The following TGM7 variants were observed in gnomAD, a reference collection of about 807,000 sequenced individuals.
TGM7 encodes the protein transglutaminase 7.
TGM7 carries 74 observed loss-of-function variants against 79.5 expected under a neutral mutation model. That is an observed-to-expected ratio of 0.93 (90% CI 0.77 to 1.13). TGM7 has a LOEUF of 1.13. TGM7 is among the 50% of genes most tolerant of loss of function. The pLI, the probability that TGM7 is intolerant of heterozygous loss-of-function variation, is 0.00. For missense variants in TGM7, 912 were observed against 905.9 expected, an observed-to-expected ratio of 1.01 and a Z score of -0.09; for synonymous variants, 354 against 362.5, an observed-to-expected ratio of 0.98 and a Z score of 0.27.
At chr15:43,294,147 T>C (rs1230723485) in intron 1 of TGM7, among the ~76,000 whole-genome samples, 4 of 152,190 alleles carry the variant, frequency 2.6e-5, no homozygotes, top group Admixed American at 1.3e-4. Context: ...TACTAGGATT[T>C]TGTATGAATT....
chr15:43,292,630 T>C, intron 3 of TGM7, 79 bp downstream of exon 3: 1 of 1,559,842 alleles, frequency 6.4e-7, no homozygotes, highest in Non-Finnish European at 8.7e-7. Context: ...GCGATTTATT[T>C]TCTGGGCTTT....
intron 4 of TGM7, among the ~76,000 whole-genome samples, chr15:43,291,432 A>G (rs541794258): frequency 3.3e-5 from 5 of 152,396 alleles, no homozygotes; most frequent in African/African-American, 1.2e-4. Flanking sequence ...GCAGCATGCA[A>G]GCAGCCACAG....
At chr15:43,279,420 G>A (rs1297417053) in intron 10 of TGM7, 143 bp from the exon 11 acceptor site, 14 of 1,135,662 alleles carry the variant, frequency 1.2e-5, no homozygotes, top group South Asian at 1.2e-4. Flanking sequence ...GTCCCACCAC[G>A]CACACACTGT....
At chr15:43,281,193 A>C (rs184319627) in intron 9 of TGM7, among the ~76,000 whole-genome samples, 1 of 152,306 alleles carries the variant, frequency 6.6e-6, no homozygotes, top group Non-Finnish European at 1.5e-5. Flanking sequence ...CTGTTATCCC[A>C]TTTTACAGAT....
In TGM7 at chr15:43,291,999, A is replaced by G; in HGVS notation, c.538T>C (p.Trp180Arg). Reference protein sequence around the residue: ...YKGHERFITSWPWNYGQFEED... With the variant: ...YKGHERFITSRPWNYGQFEED... Reference sequence around the variant, plus strand: ...GTTACCTGCCCGTAGTTCCAGGGCCAGGAGGTGATGAATCTTTCATGACCC... The same window carrying G: ...GTTACCTGCCCGTAGTTCCAGGGCCGGGAGGTGATGAATCTTTCATGACCC... Residue 180 changes from tryptophan (W) to arginine (R), a missense_variant, in exon 4 of 13, where the codon TGG (tryptophan) becomes CGG (arginine). By Grantham distance (101) the Trp-to-Arg change is moderately radical. Coordinates refer to ENST00000452443, the MANE Select transcript of TGM7 (RefSeq NM_052955.3). 1 of 1,613,926 alleles carries G rather than the reference A, an allele frequency of 6.2e-7. No homozygotes were observed. Among genetic ancestry groups the G allele is most frequent in the South Asian group, 1.1e-5 (1 of 91,084 alleles).
Position 43,276,967 on chromosome 15 carries a change from G to C in TGM7, c.1868C>G (p.Ala623Gly). The change falls in exon 12 of 13, where the codon GCG becomes GGG. Residue 623 changes from alanine (A) to glycine (G), a missense_variant. By Grantham distance (60) the Ala-to-Gly change is moderately conservative. Transcript: ENST00000452443. ...GGTGAGGGTGACATGGACTCTCAGC[G>C]CCTTGCCCACCTCAGCCCTCTCAGA... ...EVSERAEVGK[A>G]LRVHVTLTNT... The C allele has an allele frequency of 6.2e-7, 1 of 1,614,056 alleles. No homozygotes were observed. The highest frequency in any genetic ancestry group is 8.5e-7 in the Non-Finnish European group (1 of 1,180,004).
At chr15:43,293,028 G>A (rs920037779) in intron 2 of TGM7, 74 bp from the exon 3 acceptor site, 5 of 1,558,680 alleles carry the variant, frequency 3.2e-6, no homozygotes, top group Non-Finnish European at 4.3e-6. Flanking sequence ...GGAGTCGGAA[G>A]GACCGTCACC....
intron 6 of TGM7, among the ~76,000 whole-genome samples, chr15:43,286,545 A>G (rs1461050373): frequency 6.6e-6 from 1 of 152,062 alleles, no homozygotes; most frequent in African/African-American, 2.4e-5. Context: ...CCCCTCTCCA[A>G]AAAGTCTCTG....
At position 43,287,368 on chromosome 15, in the gene TGM7, A is replaced by G. The variant is rs513970; in HGVS notation, c.777T>C (p.Ser259=). The change falls in exon 6 of 13, where the codon AGT becomes AGC. Residue 259 remains serine (S), a synonymous_variant. Transcript: ENST00000452443. ...CTGACCACTGCTGTAGGATGGCCAC[A>G]CTGCCCTTCCACTCCAGAGGACTGA... ...KGVSPLEWKG[S]VAILQQWSAR... 0.36 allele frequency: 582,867 copies of G among 1,613,712 alleles called. 117,944 individuals carry two copies. The highest frequency in any genetic ancestry group is 0.88 in the African/African-American group (65,726 of 74,992).
chr15:43,290,455 T>C (rs1192233489), intron 4 of TGM7, among the ~76,000 whole-genome samples: 1 of 152,208 alleles, frequency 6.6e-6, no homozygotes, highest in Non-Finnish European at 1.5e-5. Flanking sequence ...CCATGCTGTT[T>C]TGGTTACTGT....
intron 1 of TGM7, chr15:43,301,987 G>A (rs779517080): frequency 3.6e-6 from 2 of 555,582 alleles, no homozygotes; most frequent in Non-Finnish European, 6.5e-6. Context: ...ACTTCCCAAG[G>A]CCATTTCAGC....
chr15:43,296,057 T>C (rs1257066818), intron 1 of TGM7, among the ~76,000 whole-genome samples: 2 of 152,176 alleles, frequency 1.3e-5, no homozygotes, highest in African/African-American at 2.4e-5. Flanking sequence ...AAACATACAA[T>C]GCATCACACA....
chr15:43,297,226 C>A (rs576944815), intron 1 of TGM7, among the ~76,000 whole-genome samples: 4 of 152,048 alleles, frequency 2.6e-5, no homozygotes, highest in Admixed American at 1.3e-4. Flanking sequence ...GAGGCCGAGG[C>A]GGGTGGATCA....
intron 6 of TGM7, among the ~76,000 whole-genome samples, chr15:43,285,641 A>T (rs901272226): frequency 6.6e-6 from 1 of 152,090 alleles, no homozygotes. Flanking sequence ...AAATTCGAGG[A>T]TGGATAGAGG....
intron 4 of TGM7, among the ~76,000 whole-genome samples, chr15:43,288,339 C>A (rs1198979448): frequency 6.6e-6 from 1 of 152,156 alleles, no homozygotes. Flanking sequence ...AGGCTTCCCC[C>A]ACCTCTTCCC....
rs1363488244 is a variant in TGM7, at chr15:43,276,970, T to C, written c.1865A>G (p.Lys622Arg). ...GAGGGTGACATGGACTCTCAGCGCC[T>C]TGCCCACCTCAGCCCTCTCAGACAC... is the stretch of plus-strand genomic sequence containing the variant. ...IEVSERAEVG[K>R]ALRVHVTLTN... Residue 622 changes from lysine to arginine, a missense_variant, in exon 12 of 13, where the codon AAG (lysine) becomes AGG (arginine). Physicochemically the swap from Lys to Arg is conservative, Grantham distance 26. Transcript: ENST00000452443. 2.5e-6 allele frequency: 4 copies of C among 1,614,068 alleles called. 1 individual carries two copies. The South Asian group carries it at 4.4e-5, about 18-fold the overall frequency.
In TGM7 at chr15:43,280,556, G is replaced by A. The variant is rs192208527; in HGVS notation, c.1352-605C>T. On this transcript the variant is annotated intron_variant, in intron 9 of 12. Transcript: ENST00000452443. The stretch of plus-strand genomic sequence containing the variant: ...GAGAATAGCTTGAACCCAGGAGGTG[G>A]AGGTTGCAGTGAGCCGAGATTGCGC... 1.1e-4 allele frequency among the ~76,000 whole-genome samples: 16 copies of A among 152,256 alleles called. No individual in the cohort carries two copies. The East Asian group carries it at 3.1e-3, about 29-fold the overall frequency.
At chr15:43,290,066 T>C (rs2042956220) in intron 4 of TGM7, among the ~76,000 whole-genome samples, 1 of 152,222 alleles carries the variant, frequency 6.6e-6, no homozygotes, top group African/African-American at 2.4e-5. Flanking sequence ...CTCTTTAGTT[T>C]AATTAGATCC....
chr15:43,298,288 T>C (rs901806834), intron 1 of TGM7, among the ~76,000 whole-genome samples: 13 of 151,754 alleles, frequency 8.6e-5, no homozygotes, highest in African/African-American at 3.1e-4. Context: ...GCACTGGGGA[T>C]GGAGGGGATG....
Sources: allele counts gnomAD v4.1 joint callset (sites outside exome capture counted in the v4.1 genomes callset), GRCh38; gene constraint gnomAD v4.1.1; transcripts MANE v1.5; gene names NCBI Gene and HGNC (gene_info 2026-07-23, HGNC 2026-07-21).